NCF4: variants seen among roughly 807,000 people sequenced by gnomAD.
NCF4 encodes neutrophil cytosolic factor 4.
Under a neutral mutation model 41.7 loss-of-function variants are expected in NCF4, and 30 were observed. That is an observed-to-expected ratio of 0.72 (90% confidence interval 0.54 to 0.97). The LOEUF (loss-of-function observed/expected upper bound fraction) is 0.97. Among genes scored for constraint, NCF4 ranks in the 50% least tolerant of loss-of-function variants. The probability of loss-of-function intolerance (pLI) is 0.00; values close to 1 mark genes in which losing one functional copy is unlikely to be tolerated. For synonymous variants in NCF4, 195 were observed against 175.8 expected (o/e 1.11, Z -0.87); for missense variants, 432 against 460.9 (o/e 0.94, Z 0.57).
In NCF4 at chr22:36,877,715, G is replaced by T; in HGVS notation, c.912G>T (p.Ala304=). 4 of 1,614,132 alleles carry T rather than the reference G, an allele frequency of 2.5e-6. No individual in the cohort carries two copies. Among genetic ancestry groups the T allele is most frequent in the Non-Finnish European group, 3.4e-6 (4 of 1,180,028 alleles). The stretch of plus-strand genomic sequence containing the variant: ...GGCTGCTGTCGGATGAGGACGTAGC[G>T]CTCATGGTGCGGCAGGCTCGTGGCC... ...LVRLLSDEDV[A]LMVRQARGLP... The change falls in exon 10 of 10, where the codon GCG becomes GCT. Residue 304 remains alanine (A), a synonymous_variant. Transcript: ENST00000248899.
chr22:36,877,121 G>A (rs1940209937), intron 9 of NCF4, among the ~76,000 whole-genome samples: 1 of 151,854 alleles, frequency 6.6e-6, no homozygotes, highest in African/African-American at 2.4e-5. Flanking sequence ...ACTAATTTCC[G>A]TGAAAGTCTC....
At chr22:36,875,282 G>A (rs879605777) in intron 7 of NCF4, among the ~76,000 whole-genome samples, 6 of 152,028 alleles carry the variant, frequency 3.9e-5, no homozygotes, top group Non-Finnish European at 7.4e-5. Context: ...CACCAGCTTC[G>A]GCCTCCCAAA....
intron 9 of NCF4, among the ~76,000 whole-genome samples, chr22:36,877,222 T>C (rs1243353370): frequency 6.6e-6 from 1 of 152,108 alleles, no homozygotes; most frequent in Non-Finnish European, 1.5e-5. Context: ...CTGCAACCTC[T>C]GCCTACTGTG....
Position 36,867,392 on chromosome 22 carries a change from C to A in NCF4, c.272C>A (p.Ala91Asp). The change falls in exon 4 of 10, where the codon GCC becomes GAC. Residue 91 changes from alanine (A) to aspartate (D), a missense_variant and splice_region_variant. Ala to Asp is a moderately radical substitution (Grantham distance 126). Coordinates refer to ENST00000248899, the MANE Select transcript of NCF4 (RefSeq NM_000631.5). ...AGGACAGCTCTTTGTCTCTTCTCAG[C>A]CAAAGTCTACGTGGGTGTGAAACAG... Reference protein sequence around the residue: ...ALACTLPTLPAKVYVGVKQEI... With the variant: ...ALACTLPTLPDKVYVGVKQEI... The A allele has an allele frequency of 1.9e-6, 3 of 1,614,164 alleles. No individual in the cohort carries two copies. Among genetic ancestry groups the A allele is most frequent in the South Asian group, 2.2e-5 (2 of 91,088 alleles).
rs1481835461 is a variant in NCF4, at chr22:36,877,565, C to T, written c.825-63C>T. 4 of 1,573,056 alleles carry T rather than the reference C, an allele frequency of 2.5e-6. No individual in the cohort carries two copies. In the South Asian group the frequency reaches 3.3e-5, roughly 13 times the overall value. ...CTTCAGGACATAAAACCCTTTTCACCCCCTCTCCCTACCCCTACCTTACGC... is the reference window on the plus strand; with the variant it reads ...CTTCAGGACATAAAACCCTTTTCACTCCCTCTCCCTACCCCTACCTTACGC... On this transcript the variant is annotated intron_variant, in intron 9 of 9. Transcript: ENST00000248899.
intron 4 of NCF4, among the ~76,000 whole-genome samples, chr22:36,868,047 T>C (rs1176674579): frequency 6.6e-6 from 1 of 152,170 alleles, no homozygotes; most frequent in Non-Finnish European, 1.5e-5. Context: ...CTCTATGAGA[T>C]GGGAGCGTAG....
intron 1 of NCF4, among the ~76,000 whole-genome samples, chr22:36,863,264 GTGTT>G (rs1939825243): frequency 6.6e-6 from 1 of 152,130 alleles, no homozygotes; most frequent in African/African-American, 2.4e-5. Context: ...TTTTAGGGCT[GTGTT>G]TGTTACAGAT....
intron 1 of NCF4, among the ~76,000 whole-genome samples, chr22:36,861,453 G>A (rs1330239682): frequency 1.3e-5 from 2 of 152,354 alleles, no homozygotes; most frequent in South Asian, 2.1e-4. Flanking sequence ...GTCACACAAC[G>A]AGTGACCGGC....
At chr22:36,876,268 G>A (rs1057339663) in intron 9 of NCF4, among the ~76,000 whole-genome samples, 174 bp downstream of exon 9, 4 of 152,184 alleles carry the variant, frequency 2.6e-5, no homozygotes, top group African/African-American at 4.8e-5. Context: ...AGAGATGAGC[G>A]GGGAAGCTGC....
At position 36,870,493 on chromosome 22, in the gene NCF4, G is replaced by T. The variant is rs748172203; in HGVS notation, c.421G>T (p.Glu141Ter). Residue 141 changes from glutamate to a stop codon, truncating the protein, a stop_gained, in exon 5 of 10, where the codon GAG becomes TAG. Coordinates refer to ENST00000248899, the MANE Select transcript of NCF4 (RefSeq NM_000631.5). LOFTEE classifies it high-confidence loss of function. ...IFFYQSPYDSEQVPQALRRLR... is the reference protein window; with the variant it reads ...IFFYQSPYDS Reference sequence around the variant, plus strand: ...CTTTTACCAGTCGCCCTATGACTCAGAGCAGGTGCCCCAGGCACTCCGCCG... The same window carrying T: ...CTTTTACCAGTCGCCCTATGACTCATAGCAGGTGCCCCAGGCACTCCGCCG... 2 of 1,613,786 alleles carry T rather than the reference G, an allele frequency of 1.2e-6. No homozygotes were observed. Among genetic ancestry groups the T allele is most frequent in the Admixed American group, 1.7e-5 (1 of 60,022 alleles).
chr22:36,876,628 T>C (rs1250664080), intron 9 of NCF4, among the ~76,000 whole-genome samples: 2 of 152,162 alleles, frequency 1.3e-5, no homozygotes, highest in Non-Finnish European at 2.9e-5. Flanking sequence ...CACACACACA[T>C]GCACACACAA....
chr22:36,873,960 T>C (rs1211244339), intron 7 of NCF4, among the ~76,000 whole-genome samples: 1 of 152,222 alleles, frequency 6.6e-6, no homozygotes, highest in Non-Finnish European at 1.5e-5. Context: ...GTTTGGGCCA[T>C]TTCCTAGCTC....
intron 1 of NCF4, 83 bp downstream of exon 1, chr22:36,861,286 C>A: frequency 6.8e-7 from 1 of 1,477,158 alleles, no homozygotes; most frequent in Non-Finnish European, 9.3e-7. Context: ...CTTCTGCAGT[C>A]CCTGATCAAC....
rs192427861 is a variant in NCF4 at position 36,870,343 on chromosome 22, G to C, written c.343-72G>C. 1.2e-4 allele frequency: 189 copies of C among 1,604,426 alleles called. 1 individual carries two copies. The African/African-American group carries it at 2.3e-3, about 19-fold the overall frequency. ...AGGGCTGATGTCAGGGCTCGGGGAC[G>C]GGACATCTAGGCTGGGGTGTCCAGA... On this transcript the variant is annotated intron_variant, in intron 4 of 9. Transcript: ENST00000248899.
At chr22:36,871,103 C>G (rs577105484) in intron 5 of NCF4, among the ~76,000 whole-genome samples, 95 of 152,304 alleles carry the variant, frequency 6.2e-4, no homozygotes, top group African/African-American at 2.2e-3. Flanking sequence ...AAAAGCAGGA[C>G]GGAGCTCCTG....
intron 7 of NCF4, among the ~76,000 whole-genome samples, chr22:36,873,211 G>T (rs1185426566): frequency 2.0e-5 from 3 of 151,762 alleles, no homozygotes; most frequent in Non-Finnish European, 4.4e-5. Flanking sequence ...TGGAGGTGAG[G>T]ATAGAGGTGA....
chr22:36,865,219 C>T lies in NCF4; in HGVS notation c.271+147C>T. 1 of 1,212,108 alleles carries T rather than the reference C, an allele frequency of 8.3e-7. No homozygotes were observed. The highest frequency in any genetic ancestry group is 1.2e-6 in the Non-Finnish European group (1 of 860,208). 75.1% of individuals were successfully genotyped at this position (1,212,108 alleles called of 1,614,324 possible). On this transcript the variant is annotated intron_variant, in intron 3 of 9. Coordinates refer to ENST00000248899, the MANE Select transcript of NCF4 (RefSeq NM_000631.5). This position sits in a 1 kb window ranked among gnomAD's most constrained non-coding sequence, Gnocchi z 4.3. ...CCCCACTCCCGGCAGTTACAGGCTG[C>T]CAAGCCCTCCCTGCATGGCTCCCCC...
At chr22:36,876,705 G>C (rs576664349) in intron 9 of NCF4, among the ~76,000 whole-genome samples, 1 of 152,272 alleles carries the variant, frequency 6.6e-6, no homozygotes, top group South Asian at 2.1e-4. Context: ...GCTTTTGCTG[G>C]CCTCTTAGGA....
chr22:36,875,934 T>C (rs1308373026), intron 8 of NCF4, 95 bp from the exon 9 acceptor site: 1 of 1,614,156 alleles, frequency 6.2e-7, no homozygotes, highest in East Asian at 2.2e-5. Flanking sequence ...GCCATCAACG[T>C]CCAGGGTGGC....
Sources: gnomAD v4.1 joint callset for allele counts (sites outside exome capture counted in the v4.1 genomes callset) on GRCh38, gnomAD v4.1.1 for gene constraint, Gnocchi (gnomAD v3.1) non-coding constraint, MANE v1.5 for transcripts, NCBI Gene and HGNC (gene_info 2026-07-23, HGNC 2026-07-21) for gene names.